Variants in CDH13 observed in about 807,000 individuals in gnomAD.
The protein encoded by CDH13 is cadherin-13.
CDH13 carries 24 observed loss-of-function variants against 63.8 expected under a neutral mutation model. That is an observed-to-expected ratio of 0.38 (90% CI 0.27 to 0.53). The LOEUF is 0.53. CDH13 is among the 20% of genes least tolerant of loss of function. The pLI is 0.85. For missense variants in CDH13, 1,049 were observed against 903.1 expected, an observed-to-expected ratio of 1.16 and a Z score of -2.07; for synonymous variants, 503 against 355.3, an observed-to-expected ratio of 1.42 and a Z score of -4.67.
At chr16:82,681,129 T>C (rs926045778) in intron 1 of CDH13, among the ~76,000 whole-genome samples, 2 of 152,168 alleles carry the variant, frequency 1.3e-5, no homozygotes, top group East Asian at 1.9e-4. Context: ...GACTCTGGTG[T>C]CTGAAAGATT....
At chr16:83,758,800 G>A (rs1460400534) in intron 11 of CDH13, among the ~76,000 whole-genome samples, 1 of 152,156 alleles carries the variant, frequency 6.6e-6, no homozygotes, top group African/African-American at 2.4e-5. Context: ...ACACCAAATA[G>A]CAAGGTATAA....
chr16:83,470,883 A>G (rs1434032373), intron 6 of CDH13, among the ~76,000 whole-genome samples: 1 of 152,172 alleles, frequency 6.6e-6, no homozygotes, highest in Non-Finnish European at 1.5e-5. Context: ...AATCGGTCTC[A>G]TTGGGTTAAA....
chr16:83,762,197 C>A (rs1472621325), intron 11 of CDH13, among the ~76,000 whole-genome samples: 1 of 152,250 alleles, frequency 6.6e-6, no homozygotes, highest in East Asian at 1.9e-4. Flanking sequence ...TGAGTAAAGC[C>A]TTTAATCCTA....
At chr16:82,759,902 A>T (rs551706430) in intron 1 of CDH13, among the ~76,000 whole-genome samples, 1 of 152,092 alleles carries the variant, frequency 6.6e-6, no homozygotes, top group Non-Finnish European at 1.5e-5. Flanking sequence ...CCAAGCCCCA[A>T]TCCACATTTT....
chr16:83,099,362 C>T (rs1369697124), intron 3 of CDH13, among the ~76,000 whole-genome samples: 2 of 151,950 alleles, frequency 1.3e-5, no homozygotes, highest in Admixed American at 6.6e-5. Context: ...TCACTCTTGT[C>T]ACCCAGGCTG....
chr16:83,437,404 G>A (rs1043321536), intron 6 of CDH13, among the ~76,000 whole-genome samples: 9 of 152,144 alleles, frequency 5.9e-5, no homozygotes, highest in Middle Eastern at 3.2e-3. Flanking sequence ...GGCCGGGTAC[G>A]GTGGCTCATG....
chr16:83,471,140 A>G (rs1404275252), intron 6 of CDH13, among the ~76,000 whole-genome samples: 1 of 152,118 alleles, frequency 6.6e-6, no homozygotes, highest in East Asian at 1.9e-4. Context: ...ATAATCTAGG[A>G]TAAGCCCCTC....
chr16:83,165,439 A>C (rs1227683777), intron 4 of CDH13, among the ~76,000 whole-genome samples: 1 of 152,128 alleles, frequency 6.6e-6, no homozygotes, highest in African/African-American at 2.4e-5. Flanking sequence ...CCTTTTTATT[A>C]TGCAAAACCT....
At chr16:82,738,274 A>G (rs1438267909) in intron 1 of CDH13, among the ~76,000 whole-genome samples, 3 of 152,200 alleles carry the variant, frequency 2.0e-5, no homozygotes, top group African/African-American at 4.8e-5. Context: ...TGCATGGCCA[A>G]TATGTTATTC....
intron 3 of CDH13, among the ~76,000 whole-genome samples, chr16:83,088,760 A>G (rs2033740961): frequency 2.0e-5 from 3 of 152,250 alleles, no homozygotes; most frequent in Admixed American, 2.0e-4. Flanking sequence ...AAATGCTTCA[A>G]GCAAATAAAT....
At chr16:83,487,386 T>A (rs1015637556) in intron 7 of CDH13, among the ~76,000 whole-genome samples, 14 of 152,332 alleles carry the variant, frequency 9.2e-5, no homozygotes, top group African/African-American at 2.6e-4. Flanking sequence ...ACTTTCCACA[T>A]GTGCACTATC....
intron 7 of CDH13, among the ~76,000 whole-genome samples, chr16:83,569,692 C>A (rs1904393844): frequency 6.6e-6 from 1 of 152,110 alleles, no homozygotes. Flanking sequence ...AGGCATCTAA[C>A]TCTCTGCCTG....
At chr16:83,661,778 T>G (rs1431982181) in intron 8 of CDH13, among the ~76,000 whole-genome samples, 3 of 152,226 alleles carry the variant, frequency 2.0e-5, no homozygotes, top group African/African-American at 7.2e-5. Flanking sequence ...CAGCACCTTC[T>G]GTGTATCTGC....
chr16:83,269,882 C>T lies in CDH13; in HGVS notation c.636+52385C>T, dbSNP rs75103178. 3.9e-5 allele frequency among the ~76,000 whole-genome samples: 6 copies of T among 152,270 alleles called. No homozygotes were observed. In the East Asian group the frequency reaches 1.2e-3, roughly 29 times the overall value. On this transcript the variant is annotated intron_variant, in intron 5 of 13. Transcript: ENST00000567109. ...TCATCTGATTTGTCTGTCCTGCTTC[C>T]TCAAAGCCCCTAAAATGCATTTCTA...
chr16:83,744,244 A>G (rs544665677), intron 10 of CDH13, among the ~76,000 whole-genome samples: 56 of 152,246 alleles, frequency 3.7e-4, no homozygotes, highest in Middle Eastern at 3.4e-3. Context: ...TCCCAAAGGC[A>G]TTTTTACCAG....
At chr16:83,495,533 A>G (rs1312675915) in intron 7 of CDH13, among the ~76,000 whole-genome samples, 1 of 152,210 alleles carries the variant, frequency 6.6e-6, no homozygotes, top group East Asian at 1.9e-4. Flanking sequence ...TTGGATCAAG[A>G]AAAAGGCATG....
intron 1 of CDH13, among the ~76,000 whole-genome samples, chr16:82,746,091 T>C (rs2034151234): frequency 6.6e-6 from 1 of 151,942 alleles, no homozygotes; most frequent in Admixed American, 6.6e-5. Flanking sequence ...TGTCTTTCTA[T>C]TTCTCTCTCT....
intron 5 of CDH13, among the ~76,000 whole-genome samples, chr16:83,229,096 T>A (rs140369402): frequency 6.2e-4 from 95 of 152,280 alleles, no homozygotes; most frequent in African/African-American, 2.0e-3. Context: ...CAGGGCAGGA[T>A]AAGGTGCTTG....
At chr16:83,127,245 G>C (rs915445527) in intron 4 of CDH13, among the ~76,000 whole-genome samples, 1 of 152,154 alleles carries the variant, frequency 6.6e-6, no homozygotes, top group African/African-American at 2.4e-5. Context: ...TGAGGAGTTG[G>C]GGTTTCATCG....
Sources: gnomAD v4.1 joint callset for allele counts (sites outside exome capture counted in the v4.1 genomes callset) on GRCh38, gnomAD v4.1.1 for gene constraint, MANE v1.5 for transcripts, NCBI Gene and HGNC (gene_info 2026-07-23, HGNC 2026-07-21) for gene names.